Variants in FAM53B observed in about 807,000 individuals in gnomAD.
FAM53B encodes the protein protein FAM53B.
FAM53B carries 12 observed loss-of-function variants against 32.7 expected under a neutral mutation model. That is an observed-to-expected ratio of 0.37 (90% CI 0.24 to 0.59). FAM53B has a LOEUF of 0.59. FAM53B is among the 20% of genes least tolerant of loss of function. The probability of loss-of-function intolerance (pLI) is 0.72; values close to 1 mark genes in which losing one functional copy is unlikely to be tolerated. For synonymous variants in FAM53B, 234 were observed against 228.7 expected (o/e 1.02, Z -0.21); for missense variants, 477 against 577.7 (o/e 0.83, Z 1.79).
intron 4 of FAM53B, among the ~76,000 whole-genome samples, chr10:124,663,476 C>A (rs367949979): frequency 1.3e-5 from 2 of 152,230 alleles, no homozygotes; most frequent in South Asian, 4.1e-4. Context: ...GCAAGAGGAG[C>A]CAGAGGAGGG....
chr10:124,644,824 CAGGT>C (rs1390654828), intron 4 of FAM53B, among the ~76,000 whole-genome samples: 1 of 152,192 alleles, frequency 6.6e-6, no homozygotes, highest in African/African-American at 2.4e-5. Context: ...CCTGCTCTGA[CAGGT>C]AGGCTGGGAG....
intron 1 of FAM53B, among the ~76,000 whole-genome samples, chr10:124,720,690 C>T (rs1589763423): frequency 1.3e-5 from 2 of 152,250 alleles, no homozygotes; most frequent in Middle Eastern, 6.8e-3. Context: ...ATTCAACAAA[C>T]CCTTACTGAG....
intron 4 of FAM53B, among the ~76,000 whole-genome samples, chr10:124,674,895 G>A (rs751456079): frequency 3.3e-4 from 50 of 152,308 alleles, no homozygotes; most frequent in Non-Finnish European, 5.4e-4. Context: ...CAGCATGGCC[G>A]GGGCTCTCAT....
chr10:124,727,435 G>T (rs1205192415), intron 1 of FAM53B, among the ~76,000 whole-genome samples: 1 of 151,712 alleles, frequency 6.6e-6, no homozygotes, highest in Non-Finnish European at 1.5e-5. Context: ...TAGCTTCCAA[G>T]ATTTAAGGGA....
At chr10:124,732,463 C>T (rs1171935344) in intron 1 of FAM53B, among the ~76,000 whole-genome samples, 1 of 152,254 alleles carries the variant, frequency 6.6e-6, no homozygotes, top group African/African-American at 2.4e-5. Context: ...CACGCTCCTC[C>T]ATGGCAGAGG....
chr10:124,663,830 G>C (rs1017090131), intron 4 of FAM53B, among the ~76,000 whole-genome samples: 1 of 151,864 alleles, frequency 6.6e-6, no homozygotes, highest in Non-Finnish European at 1.5e-5. Flanking sequence ...TCTACCCTCG[G>C]GCATCTCCAG....
intron 4 of FAM53B, among the ~76,000 whole-genome samples, chr10:124,653,046 C>A (rs1949566191): frequency 6.6e-6 from 1 of 152,156 alleles, no homozygotes; most frequent in Non-Finnish European, 1.5e-5. Context: ...GCCCTTGAGG[C>A]CAGGACAGCA....
chr10:124,684,296 C>G (rs1311304513), intron 3 of FAM53B, among the ~76,000 whole-genome samples: 1 of 152,222 alleles, frequency 6.6e-6, no homozygotes, highest in Non-Finnish European at 1.5e-5. Context: ...CTGAAATTTC[C>G]CAGGGCCTGA....
chr10:124,692,714 C>CAAAAA (rs5788679), intron 3 of FAM53B, among the ~76,000 whole-genome samples: 24 of 69,032 alleles, frequency 3.5e-4, no homozygotes, highest in African/African-American at 7.9e-4. Context: ...TACTCCATCT[C>CAAAAA]AAAAAAAAAA....
At chr10:124,638,227 G>A (rs955390559) in intron 4 of FAM53B, among the ~76,000 whole-genome samples, 1 of 152,132 alleles carries the variant, frequency 6.6e-6, no homozygotes, top group Admixed American at 6.6e-5. Context: ...AAAATTAGCA[G>A]GGTGTGGTGG....
chr10:124,641,953 T>C (rs1278812620), intron 4 of FAM53B, among the ~76,000 whole-genome samples: 12 of 152,196 alleles, frequency 7.9e-5, no homozygotes, highest in Admixed American at 1.3e-4. Flanking sequence ...AACAGAGGCC[T>C]AGAGAGGCTG....
chr10:124,651,605 C>T lies in FAM53B; in HGVS notation c.907-28001G>A, dbSNP rs1949556475. The stretch of plus-strand genomic sequence containing the variant: ...TCCTGCTGCTCTCCCCTGCCACCCC[C>T]ACCTCCGAGACAGTGAGGCCCAGCG... On this transcript the variant is annotated intron_variant, in intron 4 of 4. Coordinates refer to ENST00000337318, the MANE Select transcript of FAM53B (RefSeq NM_014661.4). The surrounding 1 kb of genome is among the most constrained non-coding windows in gnomAD (Gnocchi z 5.2). 6.6e-6 allele frequency among the ~76,000 whole-genome samples: 1 copy of T among 152,244 alleles called. No homozygotes were observed. The highest frequency in any genetic ancestry group is 6.5e-5 in the Admixed American group (1 of 15,288).
In FAM53B at chr10:124,681,597, G is replaced by A; in HGVS notation, c.906+10C>T. 1 of 1,572,354 alleles carries A rather than the reference G, an allele frequency of 6.4e-7. No individual in the cohort carries two copies. The highest frequency in any genetic ancestry group is 1.2e-5 in the South Asian group (1 of 86,356). The stretch of plus-strand genomic sequence containing the variant: ...GCACCAAGGTGACTCCAGGCTGCTG[G>A]GGCTCTTACCTGTGCCATCTTGGCA... On this transcript the variant is annotated intron_variant, in intron 4 of 4. Coordinates refer to ENST00000337318, the MANE Select transcript of FAM53B (RefSeq NM_014661.4).
intron 2 of FAM53B, among the ~76,000 whole-genome samples, chr10:124,700,238 T>C (rs769518224): frequency 6.6e-6 from 1 of 152,200 alleles, no homozygotes; most frequent in Admixed American, 6.5e-5. Flanking sequence ...AGGGCCTTTT[T>C]TTCCCCAGGC....
chr10:124,701,908 T>C (rs1342120841), intron 2 of FAM53B, among the ~76,000 whole-genome samples: 1 of 152,228 alleles, frequency 6.6e-6, no homozygotes, highest in Non-Finnish European at 1.5e-5. Context: ...CACCAGCATT[T>C]AGTTTTTTAA....
At chr10:124,645,578 C>T (rs537069028) in intron 4 of FAM53B, among the ~76,000 whole-genome samples, 1 of 152,306 alleles carries the variant, frequency 6.6e-6, no homozygotes, top group South Asian at 2.1e-4. Flanking sequence ...TCCTGAAATC[C>T]TGATTAATGG....
chr10:124,731,013 G>A (rs1027689485), intron 1 of FAM53B, among the ~76,000 whole-genome samples: 3 of 152,184 alleles, frequency 2.0e-5, no homozygotes, highest in African/African-American at 7.2e-5. Context: ...GTAGGCAGTG[G>A]GCCAGATTTA....
In FAM53B at chr10:124,733,808, G is replaced by A. The variant is rs997897540; in HGVS notation, c.-175+10205C>T. 2.0e-5 allele frequency among the ~76,000 whole-genome samples: 3 copies of A among 152,234 alleles called. No individual in the cohort carries two copies. Among genetic ancestry groups the A allele is most frequent in the Admixed American group, 1.3e-4 (2 of 15,288 alleles). ...CTGGGCCCCTGGGCAGTGTCACCCCGAAGGTGGGCTTTCTCCCAGCCCTTC... is the reference window on the plus strand; with the variant it reads ...CTGGGCCCCTGGGCAGTGTCACCCCAAAGGTGGGCTTTCTCCCAGCCCTTC... On this transcript the variant is annotated intron_variant, in intron 1 of 4. Transcript: ENST00000337318. This position sits in a 1 kb window ranked among gnomAD's most constrained non-coding sequence, Gnocchi z 4.3.
chr10:124,682,267 C>T lies in FAM53B; in HGVS notation c.246G>A (p.Glu82=). Residue 82 remains glutamate (E), a synonymous_variant, in exon 4 of 5, where the codon GAG becomes GAA. Coordinates refer to ENST00000337318, the MANE Select transcript of FAM53B (RefSeq NM_014661.4). This position sits in a 1 kb window ranked among gnomAD's most constrained non-coding sequence, Gnocchi z 5.2. ...TGGTCACAGCGCAGGCGGTCACTGC[C>T]TCCCGGTGCCATAGTGAGCTGTCCT... The part of the protein sequence containing the change: ...PEKDSSLWHR[E]AVTACAVTSL... 1 of 1,614,056 alleles carries T rather than the reference C, an allele frequency of 6.2e-7. No individual in the cohort carries two copies. Among genetic ancestry groups the T allele is most frequent in the Non-Finnish European group, 8.5e-7 (1 of 1,180,008 alleles).
Sources: allele counts gnomAD v4.1 joint callset (sites outside exome capture counted in the v4.1 genomes callset), GRCh38; gene constraint gnomAD v4.1.1; non-coding constraint Gnocchi (gnomAD v3.1); transcripts MANE v1.5; gene names NCBI Gene and HGNC (gene_info 2026-07-23, HGNC 2026-07-21).